Variants in PPWD1 observed in about 807,000 individuals in gnomAD.
The protein encoded by PPWD1 is peptidylprolyl isomerase domain and WD repeat containing 1.
A neutral mutation model predicts 68.8 loss-of-function variants in PPWD1; 43 were observed. That is an observed-to-expected ratio of 0.62 (90% CI 0.49 to 0.81). PPWD1 has a LOEUF of 0.81. Among genes scored for constraint, PPWD1 ranks in the 30% least tolerant of loss-of-function variants. The pLI, the probability that PPWD1 is intolerant of heterozygous loss-of-function variation, is 0.00. For synonymous variants in PPWD1, 232 were observed against 258.7 expected, an observed-to-expected ratio of 0.90 and a Z score of 0.99; for missense variants, 672 against 804.8, an observed-to-expected ratio of 0.83 and a Z score of 2.00.
chr5:65,566,006 A>G (rs1269695900), intron 1 of PPWD1, among the ~76,000 whole-genome samples: 1 of 152,164 alleles, frequency 6.6e-6, no homozygotes, highest in East Asian at 1.9e-4. Context: ...ATATTTTCAG[A>G]AAGACATGAT....
At chr5:65,576,211 C>A in intron 5 of PPWD1, 3 of 521,566 alleles carry the variant, frequency 5.8e-6, no homozygotes, top group Non-Finnish European at 7.4e-6. Context: ...TGTTACTAGA[C>A]ACTTTAAAAT....
At chr5:65,574,339 A>G (rs1753179785) in intron 5 of PPWD1, among the ~76,000 whole-genome samples, 1 of 152,186 alleles carries the variant, frequency 6.6e-6, no homozygotes. Context: ...GCAGATAACT[A>G]AATATGACTT....
At position 65,569,950 on chromosome 5, in the gene PPWD1, A is replaced by C. The variant is rs1752945083; in HGVS notation, c.473A>C (p.Lys158Thr). The C allele has an allele frequency of 6.2e-7, 1 of 1,612,446 alleles. No homozygotes were observed. Among genetic ancestry groups the C allele is most frequent in the Admixed American group, 1.7e-5 (1 of 59,970 alleles). ...TCTGTGGGTGATGATAAAGCAATGAAGGTGTTTGATGTAGTGAACTTTGAC... is the reference window on the plus strand; with the variant it reads ...TCTGTGGGTGATGATAAAGCAATGACGGTGTTTGATGTAGTGAACTTTGAC... ...FCSVGDDKAM[K>T]VFDVVNFDMI... Residue 158 changes from lysine (K) to threonine (T), a missense_variant, in exon 4 of 11, where the codon AAG becomes ACG. Physicochemically the swap from Lys to Thr is moderately conservative, Grantham distance 78. Transcript: ENST00000261308.
At chr5:65,564,049 C>A in intron 1 of PPWD1, 2 of 513,244 alleles carry the variant, frequency 3.9e-6, no homozygotes, top group Non-Finnish European at 6.7e-6. Flanking sequence ...TCATCCAAAA[C>A]CCGAAGTCTG....
chr5:65,575,269 C>A (rs1375268834), intron 5 of PPWD1, among the ~76,000 whole-genome samples: 4 of 152,170 alleles, frequency 2.6e-5, no homozygotes, highest in African/African-American at 9.7e-5. Context: ...TTCTCTCCGG[C>A]AGAAATGATC....
Position 65,572,205 on chromosome 5 carries a change from T to G in PPWD1, c.888T>G (p.Ala296=), listed in dbSNP as rs137980566. The part of the protein sequence containing the change: ...VCFSPDGKKI[A]TIGSDRKVRI... ...TTTCACCAGATGGGAAGAAAATAGC[T>G]ACTATTGGTTCTGATAGAAAAGTTA... Residue 296 remains alanine, a synonymous_variant, in exon 5 of 11, where the codon GCT becomes GCG. Coordinates refer to ENST00000261308, the MANE Select transcript of PPWD1 (RefSeq NM_015342.4). 35 of 1,613,040 alleles carry G rather than the reference T, an allele frequency of 2.2e-5. No individual in the cohort carries two copies. In the African/African-American group the frequency reaches 4.1e-4, roughly 19 times the overall value.
rs754134756 is a variant in PPWD1, at chr5:65,587,242, C to T, written c.1798-11C>T. 8.2e-6 allele frequency: 13 copies of T among 1,590,680 alleles called. No homozygotes were observed. The highest frequency in any genetic ancestry group is 1.4e-5 in the African/African-American group (1 of 73,966). On this transcript the variant is annotated splice_polypyrimidine_tract_variant and intron_variant, in intron 10 of 10. Coordinates refer to ENST00000261308, the MANE Select transcript of PPWD1 (RefSeq NM_015342.4). ...GGTTTACCAAGATTTTCCATTTGTCCTCCAACACAGCCTTGGCTTGATAAT... is the reference window on the plus strand; with the variant it reads ...GGTTTACCAAGATTTTCCATTTGTCTTCCAACACAGCCTTGGCTTGATAAT...
Position 65,571,896 on chromosome 5 carries a change from T to G in PPWD1, c.579T>G (p.Val193=), listed in dbSNP as rs377360663. The G allele has an allele frequency of 1.2e-6, 2 of 1,613,986 alleles. No individual in the cohort carries two copies. The highest frequency in any genetic ancestry group is 1.3e-5 in the African/African-American group (1 of 74,934). ...IYCPGDAISS[V]AASEKSTGKI... ...GCCCAGGGGATGCAATTTCTTCAGTTGCTGCTTCCGAAAAGAGTACAGGAA... is the reference window on the plus strand; with the variant it reads ...GCCCAGGGGATGCAATTTCTTCAGTGGCTGCTTCCGAAAAGAGTACAGGAA... Residue 193 remains valine, a synonymous_variant, in exon 5 of 11, where the codon GTT becomes GTG. Coordinates refer to ENST00000261308, the MANE Select transcript of PPWD1 (RefSeq NM_015342.4).
chr5:65,587,306 A>G lies in PPWD1; in HGVS notation c.1851A>G (p.Glu617=). The G allele has an allele frequency of 1.2e-6, 2 of 1,612,596 alleles. No individual in the cohort carries two copies. Among genetic ancestry groups the G allele is most frequent in the Non-Finnish European group, 1.7e-6 (2 of 1,178,928 alleles). The change falls in exon 11 of 11, where the codon GAA becomes GAG. Residue 617 remains glutamate, a synonymous_variant. Coordinates refer to ENST00000261308, the MANE Select transcript of PPWD1 (RefSeq NM_015342.4). ...TTGGACGAGTGACTAAAGGAATGGA[A>G]GTTGTACAGAGGATCTCCAACGTCA... ...TVFGRVTKGM[E]VVQRISNVKV... is the part of the protein sequence containing the mutation.
intron 9 of PPWD1, 56 bp downstream of exon 9, chr5:65,585,151 A>C: frequency 6.7e-7 from 1 of 1,493,806 alleles, no homozygotes; most frequent in African/African-American, 1.4e-5. Context: ...ACATAGCAAG[A>C]GATTTAAGCG....
Position 65,586,058 on chromosome 5 carries a change from G to C in PPWD1, c.1674G>C (p.Trp558Cys). The C allele has an allele frequency of 6.2e-7, 1 of 1,613,730 alleles. No individual in the cohort carries two copies. The highest frequency in any genetic ancestry group is 1.1e-5 in the South Asian group (1 of 91,068). ...TGTGMGGESI[W>C]GGEFEDEFHS... ...CTGGTATGGGAGGAGAAAGCATATG[G>C]GGAGGAGAATTTGAAGATGAATTTC... is the stretch of plus-strand genomic sequence containing the variant. Residue 558 changes from tryptophan (W) to cysteine (C), a missense_variant, in exon 10 of 11, where the codon TGG becomes TGC. This residue lies in a region of PPWD1 where 484 missense variants were observed against 646.2 expected (regional missense o/e 0.75). Coordinates refer to ENST00000261308, the MANE Select transcript of PPWD1 (RefSeq NM_015342.4).
intron 7 of PPWD1, 136 bp from the exon 8 acceptor site, chr5:65,582,902 A>G: frequency 1.7e-6 from 2 of 1,179,664 alleles, no homozygotes; most frequent in Non-Finnish European, 2.3e-6. Flanking sequence ...CTGTATGGGA[A>G]GTGATTCCTG....
rs772928163 is a variant in PPWD1 at position 65,579,469 on chromosome 5, A to G, written c.1206A>G (p.Gln402=). The change falls in exon 7 of 11, where the codon CAA becomes CAG. Residue 402 remains glutamine, a synonymous_variant. Coordinates refer to ENST00000261308, the MANE Select transcript of PPWD1 (RefSeq NM_015342.4). ...AACAAGAAAATATTAGAGTGATGCA[A>G]TTGGCTTTGTTCCAGGGGATAGCCA... is the stretch of plus-strand genomic sequence containing the variant. The part of the protein sequence containing the change: ...LGKQENIRVM[Q]LALFQGIAKK... 6.3e-7 allele frequency: 1 copy of G among 1,595,778 alleles called. No homozygotes were observed. The highest frequency in any genetic ancestry group is 1.1e-5 in the South Asian group (1 of 87,404).
In PPWD1 at chr5:65,574,790, T is replaced by C. The variant is rs1179872111; in HGVS notation, c.970-2089T>C. ...CACAAATCTCTTAACACACATACTC[T>C]GAGCTGCTCAATCCACTCTATTTGC... On this transcript the variant is annotated intron_variant, in intron 5 of 10. Coordinates refer to ENST00000261308, the MANE Select transcript of PPWD1 (RefSeq NM_015342.4). 2.6e-5 allele frequency among the ~76,000 whole-genome samples: 4 copies of C among 152,350 alleles called. No homozygotes were observed. The East Asian group carries it at 7.7e-4, about 29-fold the overall frequency.
At chr5:65,564,133 T>C (rs1384976637) in intron 1 of PPWD1, among the ~76,000 whole-genome samples, 1 of 152,192 alleles carries the variant, frequency 6.6e-6, no homozygotes, top group African/African-American at 2.4e-5. Context: ...CACAAATTAT[T>C]ATCAAATAAA....
At chr5:65,578,981 C>T (rs923110071) in intron 6 of PPWD1, among the ~76,000 whole-genome samples, 4 of 151,896 alleles carry the variant, frequency 2.6e-5, no homozygotes, top group Middle Eastern at 3.4e-3. Context: ...AGCAGTGGCA[C>T]GATCTCGGCT....
chr5:65,565,045 G>T (rs1404464139), intron 1 of PPWD1, among the ~76,000 whole-genome samples: 2 of 152,146 alleles, frequency 1.3e-5, no homozygotes, highest in Non-Finnish European at 2.9e-5. Context: ...TTTGAACGTT[G>T]TATATTGACA....
In PPWD1 at chr5:65,577,016, C is replaced by G; in HGVS notation, c.1107C>G (p.Phe369Leu). ...INIVFDETGH[F>L]VLYGTMLGIK... ...TAGTTTTTGATGAAACTGGACACTT[C>G]GTGCTGTATGGAACAATGCTGGGCA... The change falls in exon 6 of 11, where the codon TTC becomes TTG. Residue 369 changes from phenylalanine (F) to leucine (L), a missense_variant. Coordinates refer to ENST00000261308, the MANE Select transcript of PPWD1 (RefSeq NM_015342.4). 3 of 1,614,024 alleles carry G rather than the reference C, an allele frequency of 1.9e-6. No homozygotes were observed. The highest frequency in any genetic ancestry group is 2.5e-6 in the Non-Finnish European group (3 of 1,179,948).
rs139695220 is a variant in PPWD1 at position 65,587,286 on chromosome 5, C to T, written c.1831C>T (p.Arg611Ter). The T allele has an allele frequency of 1.1e-5, 17 of 1,611,452 alleles. No individual in the cohort carries two copies. The highest frequency in any genetic ancestry group is 1.7e-4 in the Middle Eastern group (1 of 6,052). The stretch of plus-strand genomic sequence containing the variant: ...TGATAATAAGCATACAGTATTTGGA[C>T]GAGTGACTAAAGGAATGGAAGTTGT... ...WLDNKHTVFG[R>*]VTKGMEVVQR... The change falls in exon 11 of 11, where the codon CGA becomes TGA. Residue 611 changes from arginine (R) to a stop codon, truncating the protein, a stop_gained. Coordinates refer to ENST00000261308, the MANE Select transcript of PPWD1 (RefSeq NM_015342.4). LOFTEE classifies it high-confidence loss of function.
Sources: allele counts gnomAD v4.1 joint callset (sites outside exome capture counted in the v4.1 genomes callset), GRCh38; gene constraint gnomAD v4.1.1; regional missense constraint gnomAD v4.1.1; transcripts MANE v1.5; gene names NCBI Gene and HGNC (gene_info 2026-07-23, HGNC 2026-07-21).